COL4A2: variants seen among roughly 807,000 people sequenced by gnomAD.
COL4A2 encodes the protein collagen alpha-2(IV) chain.
COL4A2 carries 99 observed loss-of-function variants against 200.2 expected under a neutral mutation model. The ratio of observed to expected loss-of-function variants is 0.49; its 90% CI spans 0.42 to 0.58. The LOEUF (loss-of-function observed/expected upper bound fraction) is 0.58, where lower values mean the gene tolerates loss of function less well. COL4A2 is among the 20% of genes least tolerant of loss of function. The pLI, the probability that COL4A2 is intolerant of heterozygous loss-of-function variation, is 0.00. For synonymous variants in COL4A2, 897 were observed against 900.6 expected, an observed-to-expected ratio of 1.00 and a Z score of 0.07; for missense variants, 1,950 against 2,314.1, an observed-to-expected ratio of 0.84 and a Z score of 3.23.
At chr13:110,439,000 G>C (rs1268070512) in intron 15 of COL4A2, among the ~76,000 whole-genome samples, 1 of 152,210 alleles carries the variant, frequency 6.6e-6, no homozygotes, top group Non-Finnish European at 1.5e-5. Context: ...CAGTTAGTCT[G>C]TAGTAACCAG....
At chr13:110,335,592 TCAG>T (rs1383983125) in intron 3 of COL4A2, among the ~76,000 whole-genome samples, 1 of 152,184 alleles carries the variant, frequency 6.6e-6, no homozygotes, top group Non-Finnish European at 1.5e-5. Flanking sequence ...TATGTCTTTA[TCAG>T]CAGCATGAAA....
At chr13:110,460,841 G>C (rs1566546755) in intron 22 of COL4A2, among the ~76,000 whole-genome samples, 1 of 152,176 alleles carries the variant, frequency 6.6e-6, no homozygotes, top group Non-Finnish European at 1.5e-5. Context: ...AACGTGTATT[G>C]ATCGATTGGG....
intron 3 of COL4A2, among the ~76,000 whole-genome samples, chr13:110,323,955 G>A (rs1434706433): frequency 6.6e-6 from 1 of 152,236 alleles, no homozygotes; most frequent in African/African-American, 2.4e-5. Context: ...TGGGTCAACT[G>A]AAGGTTCCTC....
intron 3 of COL4A2, among the ~76,000 whole-genome samples, chr13:110,335,609 G>A (rs548063683): frequency 2.6e-5 from 4 of 152,202 alleles, no homozygotes; most frequent in Admixed American, 1.3e-4. Context: ...CATGAAAATG[G>A]ACTAATACAG....
intron 3 of COL4A2, among the ~76,000 whole-genome samples, chr13:110,312,002 A>G (rs1219951794): frequency 1.3e-5 from 2 of 152,198 alleles, no homozygotes; most frequent in African/African-American, 2.4e-5. Context: ...GCTTTGGTAC[A>G]GGGAGGAGAG....
chr13:110,331,331 C>T (rs1027045206), intron 3 of COL4A2, among the ~76,000 whole-genome samples: 1 of 152,186 alleles, frequency 6.6e-6, no homozygotes, highest in Non-Finnish European at 1.5e-5. Flanking sequence ...AATTTTTCTG[C>T]AGTAGTTTTC....
intron 3 of COL4A2, among the ~76,000 whole-genome samples, chr13:110,334,505 C>T (rs80230363): frequency 0.011 from 1,722 of 152,316 alleles, 41 homozygotes; most frequent in African/African-American, 0.038. Flanking sequence ...ATCCAGGTTT[C>T]GCACTTGGAA....
intron 4 of COL4A2, among the ~76,000 whole-genome samples, chr13:110,393,542 T>C (rs978209271): frequency 2.6e-5 from 4 of 151,620 alleles, no homozygotes; most frequent in Non-Finnish European, 5.9e-5. Context: ...TATTTAGTGC[T>C]GAAATTCTAG....
chr13:110,320,234 T>G (rs938877166), intron 3 of COL4A2, among the ~76,000 whole-genome samples: 2 of 150,968 alleles, frequency 1.3e-5, no homozygotes, highest in Non-Finnish European at 3.0e-5. Context: ...GGCTGGCGGG[T>G]GGCACTGCCA....
At chr13:110,309,247 C>T (rs1356261209) in intron 3 of COL4A2, among the ~76,000 whole-genome samples, 2 of 152,190 alleles carry the variant, frequency 1.3e-5, no homozygotes, top group African/African-American at 2.4e-5. Flanking sequence ...CTGTTGGTTC[C>T]GGTTCAAAGC....
At chr13:110,442,959 A>G (rs1444208280) in intron 16 of COL4A2, among the ~76,000 whole-genome samples, 3 of 149,802 alleles carry the variant, frequency 2.0e-5, no homozygotes, top group African/African-American at 7.3e-5. Flanking sequence ...TCCCCCCTCA[A>G]TAGGACCATT....
intron 20 of COL4A2, among the ~76,000 whole-genome samples, chr13:110,455,294 C>T (rs1881684304): frequency 1.3e-5 from 2 of 152,316 alleles, no homozygotes; most frequent in South Asian, 4.1e-4. Context: ...TCTGCGGGCG[C>T]TGGCCTTCTG....
chr13:110,402,361 G>C (rs930837911), intron 4 of COL4A2, among the ~76,000 whole-genome samples: 1 of 152,224 alleles, frequency 6.6e-6, no homozygotes, highest in African/African-American at 2.4e-5. Flanking sequence ...AAAGGAGTAA[G>C]TGATGCCAGG....
At chr13:110,491,031 G>A (rs1265701680) in intron 36 of COL4A2, among the ~76,000 whole-genome samples, 1 of 152,112 alleles carries the variant, frequency 6.6e-6, no homozygotes, top group Non-Finnish European at 1.5e-5. Flanking sequence ...TGGGTACATG[G>A]GTGCTGCCTT....
intron 45 of COL4A2, among the ~76,000 whole-genome samples, chr13:110,505,306 C>T (rs1193505129): frequency 2.6e-5 from 4 of 151,828 alleles, no homozygotes; most frequent in African/African-American, 4.8e-5. Context: ...GCCAAGATCG[C>T]GCCACTGCAC....
At chr13:110,487,385 G>A (rs1272786058) in intron 34 of COL4A2, among the ~76,000 whole-genome samples, 1 of 152,188 alleles carries the variant, frequency 6.6e-6, no homozygotes, top group Non-Finnish European at 1.5e-5. Flanking sequence ...CCCAGGAGGC[G>A]GAGGTTGCAG....
intron 18 of COL4A2, among the ~76,000 whole-genome samples, chr13:110,447,686 G>A (rs575981593): frequency 1.3e-4 from 20 of 152,326 alleles, no homozygotes; most frequent in Admixed American, 3.9e-4. Context: ...GTTCACTGCT[G>A]TATTCCCAAT....
At chr13:110,349,886 C>T (rs1473890637) in intron 3 of COL4A2, among the ~76,000 whole-genome samples, 3 of 152,078 alleles carry the variant, frequency 2.0e-5, no homozygotes, top group Non-Finnish European at 4.4e-5. Context: ...GTCTCAACCT[C>T]GTGAGTAGTT....
chr13:110,385,530 CGTGGATAGGCCGTGGTTGCAGTGT>C (rs1878674101), intron 4 of COL4A2, among the ~76,000 whole-genome samples: 1 of 18,500 alleles, frequency 5.4e-5, no homozygotes, highest in African/African-American at 2.1e-4. Flanking sequence ...GGTTACAGTG[CGTGGATAGGCCGTGGTTGCAGTGT>C]GTGGATAGAC....
Sources: allele counts gnomAD v4.1 joint callset (sites outside exome capture counted in the v4.1 genomes callset), GRCh38; gene constraint gnomAD v4.1.1; transcripts MANE v1.5; gene names NCBI Gene and HGNC (gene_info 2026-07-23, HGNC 2026-07-21).